SHF: variants seen among roughly 807,000 people sequenced by gnomAD.
SHF encodes SH2 domain-containing adapter protein F.
In SHF, 30 loss-of-function variants were observed where a neutral mutation model predicts 42.4. The observed-to-expected ratio is 0.71, with a 90% CI of 0.53 to 0.96. SHF has a LOEUF of 0.96. Ranked by LOEUF, SHF falls within the 40% of genes least tolerant of loss-of-function variation. SHF has a pLI of 0.00. For missense variants in SHF, 598 were observed against 634.0 expected (o/e 0.94, Z 0.61); for synonymous variants, 264 against 269.9 (o/e 0.98, Z 0.21).
intron 2 of SHF, among the ~76,000 whole-genome samples, chr15:45,196,353 C>T (rs988384080): frequency 5.9e-5 from 9 of 152,158 alleles, no homozygotes; most frequent in African/African-American, 1.7e-4. Context: ...CTCGGCCTCC[C>T]GAAGTGCTGG....
At chr15:45,181,775 C>T (rs1483090040) in intron 1 of SHF, among the ~76,000 whole-genome samples, 2 of 152,074 alleles carry the variant, frequency 1.3e-5, no homozygotes, top group African/African-American at 2.4e-5. Flanking sequence ...AGGAATTGTC[C>T]GCAAAGGACC....
chr15:45,185,390 GTTTGAGC>G (rs977822915), intron 1 of SHF, among the ~76,000 whole-genome samples: 26 of 152,260 alleles, frequency 1.7e-4, no homozygotes, highest in Non-Finnish European at 2.9e-4. Flanking sequence ...CAGGTACCTT[GTTTGAGC>G]TTTTCCTAGG....
chr15:45,168,214 C>T, intron 6 of SHF, 81 bp from the exon 7 acceptor site: 1 of 1,359,650 alleles, frequency 7.4e-7, no homozygotes, highest in Non-Finnish European at 9.9e-7. Flanking sequence ...CCTCCCCAAC[C>T]CTACAGCAAA....
At chr15:45,171,614 A>G (rs1897491419) in intron 6 of SHF, 1 of 505,020 alleles carries the variant, frequency 2.0e-6, no homozygotes, top group East Asian at 3.2e-5. Flanking sequence ...ATTAGTAAGG[A>G]AACTGAGGCC....
upstream of SHF, among the ~76,000 whole-genome samples, chr15:45,191,855 G>A (rs1341244026): frequency 1.3e-5 from 2 of 151,164 alleles, no homozygotes; most frequent in African/African-American, 2.4e-5. Context: ...TTGGGTGGCC[G>A]AGGTGGGCGG....
chr15:45,190,813 A>G (rs961553002), upstream of SHF, among the ~76,000 whole-genome samples: 9 of 152,298 alleles, frequency 5.9e-5, no homozygotes, highest in Non-Finnish European at 1.2e-4. Context: ...AGGAGGGAAG[A>G]TGTCATAAAG....
Position 45,187,435 on chromosome 15 carries a change from G to T in SHF, c.498+19C>A. The T allele has an allele frequency of 1.6e-6, 2 of 1,231,806 alleles. No individual in the cohort carries two copies. Among genetic ancestry groups the T allele is most frequent in the Non-Finnish European group, 2.0e-6 (2 of 987,840 alleles). 76.3% of individuals were successfully genotyped at this position (1,231,806 alleles called of 1,614,324 possible). ...GACCGCCTTCCCTCCTGGCCATCCC[G>T]GCCCGGCGCGGCACTCACCCTATCG... On this transcript the variant is annotated intron_variant, in intron 1 of 6. Transcript: ENST00000690270.
chr15:45,174,744 T>C (rs577622548), intron 3 of SHF, among the ~76,000 whole-genome samples: 18 of 152,244 alleles, frequency 1.2e-4, no homozygotes, highest in African/African-American at 4.3e-4. Flanking sequence ...ACTCTGCTCC[T>C]CAGAAATCTC....
At chr15:45,174,305 T>C (rs1897681718) in intron 3 of SHF, 1 of 162,212 alleles carries the variant, frequency 6.2e-6, no homozygotes, top group South Asian at 1.6e-4. Flanking sequence ...CGAGGTTTCC[T>C]AATGACGAGC....
intron 1 of SHF, among the ~76,000 whole-genome samples, chr15:45,182,482 T>G (rs1446192753): frequency 6.6e-6 from 1 of 152,224 alleles, no homozygotes; most frequent in African/African-American, 2.4e-5. Flanking sequence ...AGGATAATCT[T>G]TTCTATTCAG....
Position 45,167,774 on chromosome 15 carries a change from C to A in SHF, c.*173G>T. On this transcript the variant is annotated 3_prime_UTR_variant, in exon 7 of 7. Coordinates refer to ENST00000690270, the MANE Select transcript of SHF (RefSeq NM_001394037.1). ...CCCAGCTCCAGACAACCCCTTACTC[C>A]AAGGCCCCAGGAGCCCTTTCCCTTT... is the stretch of plus-strand genomic sequence containing the variant. 1.8e-6 allele frequency: 1 copy of A among 541,510 alleles called. No homozygotes were observed. The highest frequency in any genetic ancestry group is 6.3e-5 in the South Asian group (1 of 15,878). The allele number at this position is 541,510 out of a possible 1,614,324, so 33.5% of individuals were successfully genotyped here.
intron 1 of SHF, chr15:45,200,416 C>G (rs911942580): frequency 4.3e-6 from 1 of 231,252 alleles, no homozygotes; most frequent in African/African-American, 2.2e-5. Context: ...CTCACAATGC[C>G]GTGACTCGGA....
At chr15:45,179,619 G>A (rs977707210) in intron 1 of SHF, among the ~76,000 whole-genome samples, 2 of 152,218 alleles carry the variant, frequency 1.3e-5, no homozygotes, top group Non-Finnish European at 2.9e-5. Flanking sequence ...TCTCCAAGCT[G>A]GGCTTGGGCT....
Position 45,175,263 on chromosome 15 carries a change from T to C in SHF, c.803A>G (p.Gln268Arg). 6.2e-7 allele frequency: 1 copy of C among 1,612,172 alleles called. No homozygotes were observed. Among genetic ancestry groups the C allele is most frequent in the Non-Finnish European group, 8.5e-7 (1 of 1,179,346 alleles). ...CCGCTCCTTCTTCCACTCCCAGGGCTGGTCATACTCCTCAGGGGGCCTCTC... is the reference window on the plus strand; with the variant it reads ...CCGCTCCTTCTTCCACTCCCAGGGCCGGTCATACTCCTCAGGGGGCCTCTC... Reference protein sequence around the residue: ...DDERPPEEYDQPWEWKKERIS... With the variant: ...DDERPPEEYDRPWEWKKERIS... Residue 268 changes from glutamine to arginine, a missense_variant, in exon 3 of 7, where the codon CAG (glutamine) becomes CGG (arginine). By Grantham distance (43) the Gln-to-Arg change is conservative. Transcript: ENST00000690270.
At chr15:45,175,093 A>C (rs1897728512) in intron 3 of SHF, 126 bp downstream of exon 3, 1 of 1,071,622 alleles carries the variant, frequency 9.3e-7, no homozygotes, top group Admixed American at 2.7e-5. Flanking sequence ...ACAGAACTCA[A>C]CTACATTTCC....
chr15:45,193,895 T>C (rs1898784638), intron 2 of SHF, among the ~76,000 whole-genome samples: 1 of 150,198 alleles, frequency 6.7e-6, no homozygotes, highest in Non-Finnish European at 1.5e-5. Context: ...GCTCAGGAAT[T>C]AGAGACCAGC....
intron 2 of SHF, among the ~76,000 whole-genome samples, 163 bp downstream of exon 2, chr15:45,178,002 A>G (rs924900411): frequency 6.6e-6 from 1 of 152,204 alleles, no homozygotes; most frequent in African/African-American, 2.4e-5. Context: ...CTGCTTCTCC[A>G]AAATGACTCT....
intron 3 of SHF, 112 bp downstream of exon 3, chr15:45,175,107 G>T: frequency 8.5e-7 from 1 of 1,173,872 alleles, no homozygotes; most frequent in South Asian, 1.4e-5. Flanking sequence ...CATTTCCCTG[G>T]AGTCCTGATC....
intron 1 of SHF, among the ~76,000 whole-genome samples, chr15:45,179,038 A>G (rs1363600201): frequency 6.6e-6 from 1 of 152,254 alleles, no homozygotes; most frequent in Non-Finnish European, 1.5e-5. Flanking sequence ...CAAGCAAAGA[A>G]TAGTGAGACA....
Sources: allele counts gnomAD v4.1 joint callset (sites outside exome capture counted in the v4.1 genomes callset), GRCh38; gene constraint gnomAD v4.1.1; transcripts MANE v1.5; gene names NCBI Gene and HGNC (gene_info 2026-07-23, HGNC 2026-07-21).